CTNNA3: variants seen among roughly 807,000 people sequenced by gnomAD.
The protein encoded by CTNNA3 is catenin alpha 3, also known as catenin alpha-3.
In CTNNA3, 76 loss-of-function variants were observed where a neutral mutation model predicts 95.7. The observed-to-expected ratio is 0.79, with a 90% CI of 0.66 to 0.96. CTNNA3 has a LOEUF of 0.96. Ranked by LOEUF, CTNNA3 falls within the 40% of genes least tolerant of loss-of-function variation. CTNNA3 has a pLI of 0.00. For synonymous variants in CTNNA3, 431 were observed against 374.4 expected (o/e 1.15, Z -1.74); for missense variants, 1,191 against 1,089.8 (o/e 1.09, Z -1.31).
In CTNNA3 at chr10:67,142,599, G is replaced by A. The variant is rs145879357; in HGVS notation, c.1047+37718C>T. Among the ~76,000 whole-genome samples the A allele has an allele frequency of 1.1e-3, 172 of 152,124 alleles. 1 individual carries two copies. The East Asian group carries it at 0.026, about 23-fold the overall frequency. ...TATTACTGTAGCCTATTAAGTGTGC[G>A]GAGCATTATGCTAAAAAAAATGTAC... is the stretch of plus-strand genomic sequence containing the variant. On this transcript the variant is annotated intron_variant, in intron 7 of 17. Coordinates refer to ENST00000433211, the MANE Select transcript of CTNNA3 (RefSeq NM_013266.4).
chr10:66,834,463 C>T (rs552985265), intron 7 of CTNNA3, among the ~76,000 whole-genome samples: 1 of 152,304 alleles, frequency 6.6e-6, no homozygotes, highest in South Asian at 2.1e-4. Flanking sequence ...ATAAACAGTA[C>T]AGATGCCATC....
intron 7 of CTNNA3, among the ~76,000 whole-genome samples, chr10:66,851,628 T>TCACACACA (rs1380371147): frequency 2.2e-5 from 2 of 92,818 alleles, no homozygotes; most frequent in Non-Finnish European, 4.0e-5. Context: ...TCTCTTTCTC[T>TCACACACA]CACATACACA....
rs549228668 is a variant in CTNNA3, at chr10:66,691,323, G to A, written c.1282-69539C>T. On this transcript the variant is annotated intron_variant, in intron 9 of 17. Transcript: ENST00000433211. The stretch of plus-strand genomic sequence containing the variant: ...GGAGATTATATCCCACACATGGCTT[G>A]CAGGGTCCTACGCCCATGGAGTCTC... 8.6e-4 allele frequency among the ~76,000 whole-genome samples: 131 copies of A among 152,268 alleles called. 1 individual carries two copies. Among genetic ancestry groups the A allele is most frequent in the Middle Eastern group, 6.8e-3 (2 of 294 alleles).
intron 1 of CTNNA3, among the ~76,000 whole-genome samples, chr10:67,727,341 T>C (rs1841241155): frequency 7.5e-6 from 1 of 132,764 alleles, no homozygotes; most frequent in Non-Finnish European, 1.6e-5. Context: ...TATTATTGTA[T>C]ATTATATATA....
At chr10:66,578,038 A>C (rs1843061255) in intron 10 of CTNNA3, among the ~76,000 whole-genome samples, 1 of 151,908 alleles carries the variant, frequency 6.6e-6, no homozygotes, top group African/African-American at 2.4e-5. Context: ...AGGTTCTTTA[A>C]GGTCCTTAGT....
At chr10:67,251,206 T>C (rs1292547556) in intron 5 of CTNNA3, among the ~76,000 whole-genome samples, 3 of 152,120 alleles carry the variant, frequency 2.0e-5, no homozygotes, top group Non-Finnish European at 4.4e-5. Context: ...TTGAAAACAT[T>C]ATGCTAAGTA....
chr10:67,085,506 T>C (rs1489163643), intron 7 of CTNNA3, among the ~76,000 whole-genome samples: 1 of 151,994 alleles, frequency 6.6e-6, no homozygotes, highest in Non-Finnish European at 1.5e-5. Flanking sequence ...GTCACCCTCA[T>C]ATAATCTATG....
intron 12 of CTNNA3, among the ~76,000 whole-genome samples, chr10:66,339,725 T>C (rs2092434016): frequency 6.6e-6 from 1 of 151,806 alleles, no homozygotes; most frequent in Non-Finnish European, 1.5e-5. Context: ...AAATCAGTTC[T>C]CAGAAGGGTC....
chr10:66,647,205 C>T (rs561107955), intron 9 of CTNNA3, among the ~76,000 whole-genome samples: 1 of 152,246 alleles, frequency 6.6e-6, no homozygotes, highest in Admixed American at 6.5e-5. Context: ...GGTTCATACA[C>T]TACAAGCCAG....
intron 5 of CTNNA3, among the ~76,000 whole-genome samples, chr10:67,490,057 CATAA>C (rs377695432): frequency 3.3e-5 from 5 of 152,114 alleles, no homozygotes; most frequent in African/African-American, 1.2e-4. Flanking sequence ...TCCCACTGGT[CATAA>C]ATTTTGAAGG....
At chr10:66,864,487 G>A (rs1277902889) in intron 7 of CTNNA3, among the ~76,000 whole-genome samples, 1 of 151,982 alleles carries the variant, frequency 6.6e-6, no homozygotes, top group African/African-American at 2.4e-5. Flanking sequence ...TTTCTTTTCT[G>A]TATAAATTAC....
intron 13 of CTNNA3, among the ~76,000 whole-genome samples, chr10:66,259,946 C>T (rs893574336): frequency 3.3e-5 from 5 of 152,124 alleles, no homozygotes; most frequent in African/African-American, 1.2e-4. Context: ...AGCAACTTTT[C>T]AGGCTTTGCT....
intron 9 of CTNNA3, among the ~76,000 whole-genome samples, chr10:66,687,720 CACACACACACACAT>C (rs1847350764): frequency 2.0e-5 from 2 of 100,740 alleles, no homozygotes; most frequent in African/African-American, 1.1e-4. Context: ...TATATATATA[CACACACACACACAT>C]ACACACACAC....
chr10:67,750,219 C>G (rs1279098210), intron 1 of CTNNA3: 2 of 1,447,534 alleles, frequency 1.4e-6, no homozygotes, highest in East Asian at 2.3e-5. Flanking sequence ...CTGGAAGGAA[C>G]CAACTCTGGA....
intron 9 of CTNNA3, among the ~76,000 whole-genome samples, chr10:66,632,834 T>C (rs922586871): frequency 6.6e-6 from 1 of 151,992 alleles, no homozygotes; most frequent in Non-Finnish European, 1.5e-5. Flanking sequence ...TATCCACAGG[T>C]ATAAATAGCT....
intron 14 of CTNNA3, among the ~76,000 whole-genome samples, chr10:66,079,852 G>A (rs961317567): frequency 1.3e-5 from 2 of 151,868 alleles, no homozygotes; most frequent in Non-Finnish European, 2.9e-5. Context: ...ATTAACAACT[G>A]AATATAGATT....
chr10:66,604,377 C>G (rs1448691184), intron 10 of CTNNA3, among the ~76,000 whole-genome samples: 1 of 152,164 alleles, frequency 6.6e-6, no homozygotes, highest in Non-Finnish European at 1.5e-5. Context: ...CTGCCTCCAC[C>G]GCTGTGGTGA....
At chr10:66,421,819 A>G (rs2093195812) in intron 11 of CTNNA3, among the ~76,000 whole-genome samples, 1 of 137,312 alleles carries the variant, frequency 7.3e-6, no homozygotes, top group East Asian at 2.1e-4. Flanking sequence ...TGGATGGCAG[A>G]GCAAGACTCT....
intron 13 of CTNNA3, among the ~76,000 whole-genome samples, chr10:66,260,905 G>A (rs1296971571): frequency 2.0e-5 from 3 of 152,034 alleles, no homozygotes; most frequent in Admixed American, 1.3e-4. Context: ...GCAGTACGTG[G>A]TGCACAATGA....
Sources: gnomAD v4.1 joint callset for allele counts (sites outside exome capture counted in the v4.1 genomes callset) on GRCh38, gnomAD v4.1.1 for gene constraint, MANE v1.5 for transcripts, NCBI Gene and HGNC (gene_info 2026-07-23, HGNC 2026-07-21) for gene names.